GAPVD1: variants seen among roughly 807,000 people sequenced by gnomAD.
GAPVD1 encodes GTPase-activating protein and VPS9 domain-containing protein 1.
A neutral mutation model predicts 155.5 loss-of-function variants in GAPVD1; 35 were observed. The ratio of observed to expected loss-of-function variants is 0.23; its 90% CI spans 0.17 to 0.30. The LOEUF (loss-of-function observed/expected upper bound fraction) is 0.30. Ranked by LOEUF, GAPVD1 falls within the 10% of genes least tolerant of loss-of-function variation. The pLI is 1.00. For synonymous variants in GAPVD1, 636 were observed against 619.7 expected (o/e 1.03, Z -0.39); for missense variants, 1,429 against 1,775.7 (o/e 0.80, Z 3.51).
At chr9:125,325,027 C>G (rs1157679630) in intron 11 of GAPVD1, among the ~76,000 whole-genome samples, 2 of 151,566 alleles carry the variant, frequency 1.3e-5, no homozygotes, top group Non-Finnish European at 2.9e-5. Flanking sequence ...GAATTTGAGA[C>G]CAGTCTGGCC....
intron 17 of GAPVD1, among the ~76,000 whole-genome samples, chr9:125,338,176 CA>C (rs1233104724): frequency 6.6e-6 from 1 of 152,196 alleles, no homozygotes; most frequent in African/African-American, 2.4e-5. Flanking sequence ...CACCTGGCCC[CA>C]TGAGTATTTT....
intron 23 of GAPVD1, among the ~76,000 whole-genome samples, chr9:125,354,192 A>C (rs1260367224): frequency 1.3e-5 from 2 of 152,094 alleles, no homozygotes. Context: ...GGGAATGGGC[A>C]CTCTAGTAAA....
chr9:125,305,005 C>A, intron 5 of GAPVD1, 58 bp from the exon 6 acceptor site: 1 of 1,071,138 alleles, frequency 9.3e-7, no homozygotes, highest in Non-Finnish European at 1.5e-6. Context: ...TTCATAGAGA[C>A]GTATTTGTGA....
intron 11 of GAPVD1, among the ~76,000 whole-genome samples, chr9:125,324,732 G>T (rs10986703): frequency 6.6e-6 from 1 of 152,242 alleles, no homozygotes; most frequent in Non-Finnish European, 1.5e-5. Context: ...GGAAGCCATA[G>T]TACTTTTTCA....
chr9:125,298,054 A>T (rs1057188460), intron 3 of GAPVD1, among the ~76,000 whole-genome samples: 4 of 152,006 alleles, frequency 2.6e-5, no homozygotes, highest in African/African-American at 7.2e-5. Context: ...CTGTGATCTG[A>T]CTTTTTAATT....
intron 13 of GAPVD1, 91 bp downstream of exon 13, chr9:125,330,309 C>A: frequency 2.0e-5 from 15 of 763,490 alleles, no homozygotes; most frequent in Non-Finnish European, 2.5e-5. Context: ...TATATTTTGT[C>A]AAATACACTT....
At chr9:125,293,855 TATATATATATATA>T (rs1839193878) in intron 2 of GAPVD1, among the ~76,000 whole-genome samples, 4 of 4,228 alleles carry the variant, frequency 9.5e-4, no homozygotes, top group African/African-American at 4.0e-3. Context: ...ATATATTTTA[TATATATATATATA>T]TATATATATA....
In GAPVD1 at chr9:125,317,156, A is replaced by G. The variant is rs539414582; in HGVS notation, c.1603-4277A>G. ...AACATGGTGAAACCCCGTCTCGACT[A>G]AAAATACAAAAATTAGCCAGGCGTG... is the stretch of plus-strand genomic sequence containing the variant. On this transcript the variant is annotated intron_variant, in intron 9 of 27. Transcript: ENST00000297933. 9.1e-4 allele frequency among the ~76,000 whole-genome samples: 139 copies of G among 152,050 alleles called. 1 individual carries two copies. The highest frequency in any genetic ancestry group is 3.1e-3 in the South Asian group (15 of 4,814).
intron 2 of GAPVD1, among the ~76,000 whole-genome samples, chr9:125,284,702 C>T (rs1038431322): frequency 3.9e-5 from 6 of 152,044 alleles, no homozygotes; most frequent in African/African-American, 1.4e-4. Flanking sequence ...ATTGTGTAAA[C>T]ATTATAGAGT....
At chr9:125,332,696 A>ACATT in intron 15 of GAPVD1, 67 bp downstream of exon 15, 1 of 1,344,124 alleles carries the variant, frequency 7.4e-7, no homozygotes, top group Admixed American at 1.9e-5. Flanking sequence ...GCACTGTGAC[A>ACATT]CATTGCTGGT....
intron 15 of GAPVD1, among the ~76,000 whole-genome samples, chr9:125,336,234 A>G (rs961337258): frequency 6.6e-6 from 1 of 151,828 alleles, no homozygotes. Flanking sequence ...AACAAAAGTA[A>G]AAATCAAAAG....
rs1849179885 is a variant in GAPVD1, at chr9:125,350,742, C to G, written c.3439C>G (p.Gln1147Glu). ...TGAAATTGTATGCTTCTTAAAAGTTCAAATAGCTGAAGCAATTAATTTACA... is the reference window on the plus strand; with the variant it reads ...TGAAATTGTATGCTTCTTAAAAGTTGAAATAGCTGAAGCAATTAATTTACA... Reference protein sequence around the residue: ...DNEIVCFLKVQIAEAINLQDK... With the variant: ...DNEIVCFLKVEIAEAINLQDK... The change falls in exon 23 of 28, where the codon CAA (glutamine) becomes GAA (glutamate). Residue 1147 changes from glutamine (Q) to glutamate (E), a missense_variant. Physicochemically the swap from Gln to Glu is conservative, Grantham distance 29. Coordinates refer to ENST00000297933, the MANE Select transcript of GAPVD1 (RefSeq NM_001282680.3). 2 of 1,558,790 alleles carry G rather than the reference C, an allele frequency of 1.3e-6. No homozygotes were observed. The highest frequency in any genetic ancestry group is 3.4e-5 in the Admixed American group (2 of 59,684).
At chr9:125,300,278 T>C (rs1437989619) in intron 4 of GAPVD1, among the ~76,000 whole-genome samples, 2 of 147,792 alleles carry the variant, frequency 1.4e-5, no homozygotes, top group Non-Finnish European at 3.0e-5. Context: ...GCCTCCTGGG[T>C]TCAAGAGATT....
intron 19 of GAPVD1, among the ~76,000 whole-genome samples, chr9:125,345,324 G>C (rs867675521): frequency 6.6e-6 from 1 of 152,058 alleles, no homozygotes; most frequent in African/African-American, 2.4e-5. Context: ...GGGATTATAG[G>C]CATGCGCCAC....
intron 2 of GAPVD1, among the ~76,000 whole-genome samples, chr9:125,280,396 C>CAAAAAAAAAAAAAAGAAAAAAA (rs1836586992): frequency 1.7e-5 from 1 of 57,338 alleles, no homozygotes; most frequent in Non-Finnish European, 3.1e-5. Flanking sequence ...AAGTCCATCT[C>CAAAAAAAAAAAAAAGAAAAAAA]AAAAAAAAAA....
chr9:125,294,840 A>C (rs903006086), intron 2 of GAPVD1, among the ~76,000 whole-genome samples: 5 of 152,042 alleles, frequency 3.3e-5, no homozygotes, highest in African/African-American at 1.2e-4. Flanking sequence ...TGTAAACTCA[A>C]ATGAAGTAGA....
At chr9:125,355,571 C>A (rs1303692273) in intron 24 of GAPVD1, 73 bp from the exon 25 acceptor site, 1 of 955,254 alleles carries the variant, frequency 1.0e-6, no homozygotes, top group Non-Finnish European at 1.6e-6. Context: ...AAAATTATTT[C>A]TATGATTTCC....
chr9:125,347,720 CA>C (rs11301990), intron 20 of GAPVD1, among the ~76,000 whole-genome samples: 83,584 of 141,784 alleles, frequency 0.59, 25,031 homozygotes, highest in African/African-American at 0.8. Flanking sequence ...GACCCTGTCT[CA>C]AAAAAAAAAA....
At position 125,363,469 on chromosome 9, in the gene GAPVD1, A is replaced by T. The variant is rs902259064; in HGVS notation, c.*723A>T. 6.6e-6 allele frequency: 1 copy of T among 152,240 alleles called. No homozygotes were observed. The highest frequency in any genetic ancestry group is 2.4e-5 in the African/African-American group (1 of 41,470). 9.4% of individuals were successfully genotyped at this position (152,240 alleles called of 1,614,324 possible). On this transcript the variant is annotated 3_prime_UTR_variant, in exon 28 of 28. Transcript: ENST00000297933. ...TTGAACTTTCTAGGTATGGAGTTTG[A>T]TGGACAGGGCTGCCTTTAATGAGTG...
Sources: allele counts gnomAD v4.1 joint callset (sites outside exome capture counted in the v4.1 genomes callset), GRCh38; gene constraint gnomAD v4.1.1; transcripts MANE v1.5; gene names NCBI Gene and HGNC (gene_info 2026-07-23, HGNC 2026-07-21).